CDAN1: variants seen among roughly 807,000 people sequenced by gnomAD.
CDAN1 encodes the protein codanin-1.
CDAN1 carries 107 observed loss-of-function variants against 139.8 expected under a neutral mutation model. That is an observed-to-expected ratio of 0.77 (90% CI 0.65 to 0.90). The LOEUF is 0.90. CDAN1 is among the 40% of genes least tolerant of loss of function. The probability of loss-of-function intolerance (pLI) is 0.00; values close to 1 mark genes in which losing one functional copy is unlikely to be tolerated. For synonymous variants in CDAN1, 776 were observed against 660.6 expected (o/e 1.17, Z -2.68); for missense variants, 1,667 against 1,575.7 (o/e 1.06, Z -0.98).
At chr15:42,729,168 C>G in intron 18 of CDAN1, 42 bp from the exon 19 acceptor site, 1 of 1,613,548 alleles carries the variant, frequency 6.2e-7, no homozygotes, top group South Asian at 1.1e-5. Flanking sequence ...CCTCCAGCCT[C>G]CCTGTCCCCG....
At chr15:42,729,492 G>T in intron 17 of CDAN1, 76 bp downstream of exon 17, 2 of 1,604,154 alleles carry the variant, frequency 1.2e-6, no homozygotes, top group Non-Finnish European at 1.7e-6. Flanking sequence ...ATCCAAGGGA[G>T]CTGGGCCAAG....
intron 10 of CDAN1, 69 bp from the exon 11 acceptor site, chr15:42,731,894 TAAG>T (rs1222950099): frequency 2.8e-6 from 4 of 1,404,530 alleles, no homozygotes; most frequent in Non-Finnish European, 4.0e-6. Context: ...GAACAAAAAA[TAAG>T]GAGAAAGTAA....
At position 42,736,471 on chromosome 15, in the gene CDAN1, G is replaced by C; in HGVS notation, c.400C>G (p.Arg134Gly). ...GPGPARERGG[R>G]GLEEGVSGES... ...CCGCTGACCCCCTCCTCCAGGCCGC[G>C]GCCTCCACGCTCGCGGGCCGGCCCC... is the stretch of plus-strand genomic sequence containing the variant. The change falls in exon 2 of 28, where the codon CGC becomes GGC. Residue 134 changes from arginine (R) to glycine (G), a missense_variant. Arg to Gly is a moderately radical substitution (Grantham distance 125). This residue lies in a region of CDAN1 where 487 missense variants were observed against 422.2 expected (regional missense o/e 1.15). Transcript: ENST00000356231. 1 of 1,506,126 alleles carries C rather than the reference G, an allele frequency of 6.6e-7. No homozygotes were observed. The highest frequency in any genetic ancestry group is 8.8e-7 in the Non-Finnish European group (1 of 1,131,382). The allele number at this position is 1,506,126 out of a possible 1,614,324, so 93.3% of individuals were successfully genotyped here. A position where few individuals can be genotyped will look rare whatever the true frequency, so the allele number is the denominator to read the frequency against.
Position 42,728,778 on chromosome 15 carries a change from G to T in CDAN1, c.2678C>A (p.Ala893Glu). Residue 893 changes from alanine (A) to glutamate (E), a missense_variant, in exon 20 of 28, where the codon GCA becomes GAA. Around this residue, in one of 3 missense-constraint regions of CDAN1, gnomAD observed 936 missense variants for 844.1 expected, o/e 1.11. Transcript: ENST00000356231. ...CAGCTGCTCTTGGAGAAGTGACTCT[G>T]CCTGGCGCACCAGATCTGCCACCAG... ...ATLVADLVRQ[A>E]ESLLQEQLVT... 3 of 1,614,202 alleles carry T rather than the reference G, an allele frequency of 1.9e-6. No homozygotes were observed. Among genetic ancestry groups the T allele is most frequent in the Non-Finnish European group, 2.5e-6 (3 of 1,180,032 alleles).
At chr15:42,734,715 G>GGA (rs2061663968) in intron 6 of CDAN1, among the ~76,000 whole-genome samples, 1 of 151,788 alleles carries the variant, frequency 6.6e-6, no homozygotes, top group South Asian at 2.1e-4. Flanking sequence ...CCCAGGCTCA[G>GGA]GAGATCCTTC....
Position 42,725,187 on chromosome 15 carries a change from ATC to A in CDAN1, c.3513_3514del (p.Glu1171AspfsTer19). On this transcript the variant is annotated frameshift_variant, in exon 27 of 28. Transcript: ENST00000356231. LOFTEE classifies it high-confidence loss of function. ...GTGGAGGCTGCCCAGGCAGGCCTCT[ATC>A]TCCATCCGTCCCATCAGACCCTTCT... The A allele has an allele frequency of 6.2e-7, 1 of 1,614,212 alleles. No individual in the cohort carries two copies.
At chr15:42,730,560 C>G (rs376155645) in intron 14 of CDAN1, 38 bp downstream of exon 14, 1 of 1,611,482 alleles carries the variant, frequency 6.2e-7, no homozygotes, top group East Asian at 2.2e-5. Context: ...TCCCGAGTCC[C>G]GAATCCTTTC....
rs1458473350 is a variant in CDAN1, at chr15:42,730,992, G to T, written c.1940C>A (p.Pro647Gln). ...AKFLGFVAFL[P>Q]YRGPEPPPTG... Reference sequence around the variant, plus strand: ...CGGGGGAGGTTCAGGCCCCCGGTATGGCAGGAAAGCCACAAAGCCCAGGAA... The same window carrying T: ...CGGGGGAGGTTCAGGCCCCCGGTATTGCAGGAAAGCCACAAAGCCCAGGAA... Residue 647 changes from proline (P) to glutamine (Q), a missense_variant, in exon 13 of 28, where the codon CCA becomes CAA. Physicochemically the swap from Pro to Gln is moderately conservative, Grantham distance 76. Transcript: ENST00000356231. 1 of 1,614,172 alleles carries T rather than the reference G, an allele frequency of 6.2e-7. No homozygotes were observed.
chr15:42,727,568 C>T (rs1595851604), intron 23 of CDAN1, 53 bp downstream of exon 23: 2 of 1,452,432 alleles, frequency 1.4e-6, no homozygotes, highest in East Asian at 2.5e-5. Flanking sequence ...AAACCAGGAA[C>T]AGAGCAGGGG....
chr15:42,729,214 C>G lies in CDAN1; in HGVS notation c.2541+15G>C, dbSNP rs753176396. On this transcript the variant is annotated intron_variant, in intron 18 of 27. Transcript: ENST00000356231. ...CCCCTCATTTTCCCCACGGCTGTCT[C>G]CGCCCTGCCCTTACCTGCAGCCCCT... The G allele has an allele frequency of 1.2e-6, 2 of 1,602,844 alleles. No homozygotes were observed. The highest frequency in any genetic ancestry group is 2.7e-5 in the African/African-American group (2 of 74,554).
rs2061500504 is a variant in CDAN1 at position 42,724,770 on chromosome 15, G to A, written c.3559-154C>T. On this transcript the variant is annotated intron_variant, in intron 27 of 27. Coordinates refer to ENST00000356231, the MANE Select transcript of CDAN1 (RefSeq NM_138477.4). ...GACATGAAACCTTGTCTGTTTGTTAGTACTCTGGGAGGCTGAAGTTATGGC... is the reference window on the plus strand; with the variant it reads ...GACATGAAACCTTGTCTGTTTGTTAATACTCTGGGAGGCTGAAGTTATGGC... 9.8e-6 allele frequency: 10 copies of A among 1,015,636 alleles called. 1 individual carries two copies. The South Asian group carries it at 1.4e-4, about 15-fold the overall frequency. The allele number at this position is 1,015,636 out of a possible 1,614,324, so 62.9% of individuals were successfully genotyped here. A position where few individuals can be genotyped will look rare whatever the true frequency, so the allele number is the denominator to read the frequency against.
In CDAN1 at chr15:42,733,931, T is replaced by A; in HGVS notation, c.1367+7A>T. On this transcript the variant is annotated splice_region_variant and intron_variant, in intron 8 of 27. Coordinates refer to ENST00000356231, the MANE Select transcript of CDAN1 (RefSeq NM_138477.4). ...TTCCCTCCCCAAAAAGTCCCTTTTC[T>A]TATCACCTCTGTTTCTTAAAAGTAT... The A allele has an allele frequency of 6.2e-7, 1 of 1,601,192 alleles. No homozygotes were observed.
Position 42,731,316 on chromosome 15 carries a change from C to T in CDAN1, c.1755G>A (p.Gln585=), listed in dbSNP as rs2061608950. ...ILSASSFQFN[Q]HLMDSLSLKI... Reference sequence around the variant, plus strand: ...TCAAGCTCAGACTGTCCATGAGATGCTGGTTAAACTGGAAGCTGAGAAGAA... The same window carrying T: ...TCAAGCTCAGACTGTCCATGAGATGTTGGTTAAACTGGAAGCTGAGAAGAA... Residue 585 remains glutamine (Q), a synonymous_variant, in exon 12 of 28, where the codon CAG becomes CAA. Transcript: ENST00000356231. 6.2e-7 allele frequency: 1 copy of T among 1,613,950 alleles called. No homozygotes were observed. Among genetic ancestry groups the T allele is most frequent in the Non-Finnish European group, 8.5e-7 (1 of 1,180,034 alleles).
At chr15:42,732,507 A>G in intron 9 of CDAN1, 99 bp from the exon 10 acceptor site, 1 of 1,138,956 alleles carries the variant, frequency 8.8e-7, no homozygotes, top group South Asian at 1.3e-5. Context: ...GCCGTTTACC[A>G]GGGACTTGAG....
Position 42,736,719 on chromosome 15 carries a change from G to C in CDAN1, c.152C>G (p.Pro51Arg). The C allele has an allele frequency of 6.4e-7, 1 of 1,561,350 alleles. No homozygotes were observed. Among genetic ancestry groups the C allele is most frequent in the East Asian group, 2.5e-5 (1 of 39,990 alleles). Residue 51 changes from proline to arginine, a missense_variant, in exon 2 of 28, where the codon CCG becomes CGG. Coordinates refer to ENST00000356231, the MANE Select transcript of CDAN1 (RefSeq NM_138477.4). Reference sequence around the variant, plus strand: ...CTCCCTCAGGAAGTTCAACAGGAACGGTACGAATTCTTTCCGCAGGGCCCG... The same window carrying C: ...CTCCCTCAGGAAGTTCAACAGGAACCGTACGAATTCTTTCCGCAGGGCCCG... ...SLRALRKEFV[P>R]FLLNFLREQS...
In CDAN1 at chr15:42,730,965, G is replaced by C. The variant is rs139202766; in HGVS notation, c.1967C>G (p.Thr656Ser). 5,458 of 1,614,176 alleles carry C rather than the reference G, an allele frequency of 3.4e-3. 12 individuals are homozygous for C. The highest frequency in any genetic ancestry group is 4.0e-3 in the South Asian group (367 of 91,084). The change falls in exon 13 of 28, where the codon ACC (threonine) becomes AGC (serine). Residue 656 changes from threonine (T) to serine (S), a missense_variant. By Grantham distance (58) the Thr-to-Ser change is moderately conservative. Coordinates refer to ENST00000356231, the MANE Select transcript of CDAN1 (RefSeq NM_138477.4). ...LPYRGPEPPP[T>S]GELQDSILAL... Reference sequence around the variant, plus strand: ...CAGAATGGAGTCCTGAAGCTCACCGGTCGGGGGAGGTTCAGGCCCCCGGTA... The same window carrying C: ...CAGAATGGAGTCCTGAAGCTCACCGCTCGGGGGAGGTTCAGGCCCCCGGTA...
At chr15:42,732,232 G>A (rs1040459371) in intron 10 of CDAN1, 101 bp downstream of exon 10, 49 of 1,119,038 alleles carry the variant, frequency 4.4e-5, no homozygotes, top group Non-Finnish European at 6.6e-5. Context: ...TCCAGCCCAG[G>A]ACCTGCCAGG....
Position 42,725,674 on chromosome 15 carries a change from T to C in CDAN1, c.3269-4A>G, listed in dbSNP as rs1252342716. The stretch of plus-strand genomic sequence containing the variant: ...AGGATAGGAATTTGATCTGCAACTG[T>C]GGAAAGAGGAAAGCCAAGCTTTAAA... On this transcript the variant is annotated splice_polypyrimidine_tract_variant and splice_region_variant and intron_variant, in intron 25 of 27. Transcript: ENST00000356231. 11 of 1,613,394 alleles carry C rather than the reference T, an allele frequency of 6.8e-6. No homozygotes were observed. The highest frequency in any genetic ancestry group is 9.3e-6 in the Non-Finnish European group (11 of 1,179,896).
chr15:42,724,455 C>A lies in CDAN1; in HGVS notation c.*36G>T. 1 of 1,567,006 alleles carries A rather than the reference C, an allele frequency of 6.4e-7. No homozygotes were observed. The highest frequency in any genetic ancestry group is 1.2e-5 in the South Asian group (1 of 85,228). ...CCTCGTGAGGCGGGGGTCCAGGGTT[C>A]TGGTGCAATGCCCAAGGCAGGGCCA... is the stretch of plus-strand genomic sequence containing the variant. On this transcript the variant is annotated 3_prime_UTR_variant, in exon 28 of 28. Coordinates refer to ENST00000356231, the MANE Select transcript of CDAN1 (RefSeq NM_138477.4).
Sources: allele counts gnomAD v4.1 joint callset (sites outside exome capture counted in the v4.1 genomes callset), GRCh38; gene constraint gnomAD v4.1.1; regional missense constraint gnomAD v4.1.1; transcripts MANE v1.5; gene names NCBI Gene and HGNC (gene_info 2026-07-23, HGNC 2026-07-21).